Variants in RFX7 observed in about 807,000 individuals in gnomAD.
RFX7 encodes the protein DNA-binding protein RFX7.
RFX7 carries 26 observed loss-of-function variants against 111.8 expected under a neutral mutation model. The ratio of observed to expected loss-of-function variants is 0.23; its 90% CI spans 0.17 to 0.32. The LOEUF (loss-of-function observed/expected upper bound fraction) is 0.32, where lower values mean the gene tolerates loss of function less well. RFX7 is among the 10% of genes least tolerant of loss of function. The pLI, the probability that RFX7 is intolerant of heterozygous loss-of-function variation, is 1.00. For synonymous variants in RFX7, 624 were observed against 624.4 expected (o/e 1.00, Z 0.01); for missense variants, 1,573 against 1,772.9 (o/e 0.89, Z 2.02).
chr15:56,195,029 GGATA>G (rs1303203200), intron 2 of RFX7, among the ~76,000 whole-genome samples: 1 of 151,984 alleles, frequency 6.6e-6, no homozygotes, highest in African/African-American at 2.4e-5. Context: ...GTGGATGAAT[GGATA>G]AACAAAATGT....
In RFX7 at chr15:56,137,204, T is replaced by C. The variant is rs763391992; in HGVS notation, c.401+5574A>G. On this transcript the variant is annotated intron_variant, in intron 5 of 9. Transcript: ENST00000559447. ...CAGAAGGAATGGTACCAGTTCCTCCTTGTACCTCTGGTAGAATTCGGCTGT... is the reference window on the plus strand; with the variant it reads ...CAGAAGGAATGGTACCAGTTCCTCCCTGTACCTCTGGTAGAATTCGGCTGT... Among the ~76,000 whole-genome samples, 399 of 152,192 alleles carry C rather than the reference T, an allele frequency of 2.6e-3. 5 individuals are homozygous for C. In the East Asian group the frequency reaches 0.042, roughly 16 times the overall value.
chr15:56,221,205 T>G (rs1375936330), intron 2 of RFX7, among the ~76,000 whole-genome samples: 1 of 152,216 alleles, frequency 6.6e-6, no homozygotes, highest in Non-Finnish European at 1.5e-5. Context: ...TTTTTTCTAA[T>G]TCTGTGAAGA....
Position 56,135,918 on chromosome 15 carries a change from A to G in RFX7, c.401+6860T>C, listed in dbSNP as rs187264932. Reference sequence around the variant, plus strand: ...TTTTCTCAGGTTCGTCAAAGATCAGATAGTTGTAGATATGCGGCATTATTT... The same window carrying G: ...TTTTCTCAGGTTCGTCAAAGATCAGGTAGTTGTAGATATGCGGCATTATTT... On this transcript the variant is annotated intron_variant, in intron 5 of 9. Transcript: ENST00000559447. Among the ~76,000 whole-genome samples, 26 of 152,276 alleles carry G rather than the reference A, an allele frequency of 1.7e-4. No homozygotes were observed. The East Asian group carries it at 5.0e-3, about 29-fold the overall frequency.
intron 5 of RFX7, among the ~76,000 whole-genome samples, chr15:56,139,268 T>G (rs1320633655): frequency 1.3e-5 from 2 of 150,890 alleles, no homozygotes; most frequent in Non-Finnish European, 3.0e-5. Context: ...AGACGTAGAT[T>G]TGGTCTTTTC....
In RFX7 at chr15:56,095,609, C is replaced by T; in HGVS notation, c.2119G>A (p.Gly707Ser). The T allele has an allele frequency of 6.2e-7, 1 of 1,613,980 alleles. No homozygotes were observed. Among genetic ancestry groups the T allele is most frequent in the Non-Finnish European group, 8.5e-7 (1 of 1,179,868 alleles). Residue 707 changes from glycine to serine, a missense_variant, in exon 10 of 10, where the codon GGT becomes AGT. Around this residue, in one of 7 missense-constraint regions of RFX7, gnomAD observed 625 missense variants for 632.2 expected, o/e 0.99. Coordinates refer to ENST00000559447, the MANE Select transcript of RFX7 (RefSeq NM_022841.7). Reference sequence around the variant, plus strand: ...GGAATCTGAGCACCTGCTGTTGAACCTTCTGTTTTCCCTGAATGTGGAACC... The same window carrying T: ...GGAATCTGAGCACCTGCTGTTGAACTTTCTGTTTTCCCTGAATGTGGAACC... ...QKVPHSGKTE[G>S]STAGAQIPSK...
Position 56,088,581 on chromosome 15 carries a change from A to G in RFX7, c.*4764T>C, listed in dbSNP as rs573918141. The G allele has an allele frequency of 1.3e-5, 2 of 152,162 alleles. No individual in the cohort carries two copies. The highest frequency in any genetic ancestry group is 4.8e-5 in the African/African-American group (2 of 41,414). The allele number at this position is 152,162 out of a possible 1,614,324, so 9.4% of individuals were successfully genotyped here. A position where few individuals can be genotyped will look rare whatever the true frequency, so the allele number is the denominator to read the frequency against. ...TTATAGCAACAAGACTGGCATACAT[A>G]TTTTTAAAATTTCAGATGATGCAAT... On this transcript the variant is annotated 3_prime_UTR_variant, in exon 10 of 10. Coordinates refer to ENST00000559447, the MANE Select transcript of RFX7 (RefSeq NM_022841.7).
At chr15:56,232,864 C>A (rs1301673769) in intron 2 of RFX7, among the ~76,000 whole-genome samples, 1 of 152,194 alleles carries the variant, frequency 6.6e-6, no homozygotes, top group Non-Finnish European at 1.5e-5. Context: ...CCACCTGAGC[C>A]TGGATTTCAC....
chr15:56,186,200 T>G (rs1404325153), intron 2 of RFX7, among the ~76,000 whole-genome samples: 2 of 152,208 alleles, frequency 1.3e-5, no homozygotes, highest in Non-Finnish European at 2.9e-5. Context: ...GTTCCCTGTT[T>G]TAGTCCTATT....
chr15:56,129,264 A>G (rs945651031), intron 5 of RFX7, among the ~76,000 whole-genome samples: 3 of 151,986 alleles, frequency 2.0e-5, no homozygotes, highest in Non-Finnish European at 4.4e-5. Flanking sequence ...AGTCCCAGCA[A>G]CTGGGGAGGC....
chr15:56,210,592 T>G (rs551764158), intron 2 of RFX7, among the ~76,000 whole-genome samples: 1 of 152,030 alleles, frequency 6.6e-6, no homozygotes, highest in Non-Finnish European at 1.5e-5. Flanking sequence ...TTTTTAAAAA[T>G]AGAAATTATA....
Position 56,208,646 on chromosome 15 carries a change from G to A in RFX7, c.162-29343C>T, listed in dbSNP as rs749856042. Among the ~76,000 whole-genome samples the A allele has an allele frequency of 6.0e-4, 92 of 152,090 alleles. 1 individual carries two copies. The highest frequency in any genetic ancestry group is 2.0e-4 in the Admixed American group (3 of 15,264). On this transcript the variant is annotated intron_variant, in intron 2 of 9. Coordinates refer to ENST00000559447, the MANE Select transcript of RFX7 (RefSeq NM_022841.7). ...AAATGATTATGATTAAGATGCTAAG[G>A]GTTCTAATGGATAAAGTACACAGAC... is the stretch of plus-strand genomic sequence containing the variant.
intron 5 of RFX7, among the ~76,000 whole-genome samples, chr15:56,122,371 CA>C (rs1176956709): frequency 3.3e-5 from 5 of 152,156 alleles, no homozygotes; most frequent in Non-Finnish European, 7.4e-5. Context: ...TATTTTCTCC[CA>C]AACAAATGGA....
chr15:56,169,064 A>C (rs1019762332), intron 3 of RFX7, among the ~76,000 whole-genome samples: 1 of 152,196 alleles, frequency 6.6e-6, no homozygotes, highest in East Asian at 1.9e-4. Context: ...CTAGTAGATA[A>C]AGATTTCCGA....
intron 5 of RFX7, among the ~76,000 whole-genome samples, chr15:56,130,472 G>A (rs180960857): frequency 2.0e-5 from 3 of 151,936 alleles, no homozygotes; most frequent in Middle Eastern, 3.4e-3. Flanking sequence ...AAAGCAAAAC[G>A]ATAATTCCAC....
intron 5 of RFX7, among the ~76,000 whole-genome samples, chr15:56,113,670 TAAAA>T (rs11449454): frequency 1.4e-5 from 2 of 146,568 alleles, no homozygotes; most frequent in Non-Finnish European, 3.0e-5. Context: ...AAAATAAAAT[TAAAA>T]AAAAAAAAAG....
Position 56,093,379 on chromosome 15 carries a change from C to A in RFX7, c.4349G>T (p.Ser1450Ile). 6.2e-7 allele frequency: 1 copy of A among 1,612,820 alleles called. No individual in the cohort carries two copies. Among genetic ancestry groups the A allele is most frequent in the Non-Finnish European group, 8.5e-7 (1 of 1,179,322 alleles). The change falls in exon 10 of 10, where the codon AGC becomes ATC. Residue 1450 changes from serine (S) to isoleucine (I), a missense_variant. Physicochemically the swap from Ser to Ile is moderately radical, Grantham distance 142. This residue lies in a region of RFX7 where 411 missense variants were observed against 478.1 expected (regional missense o/e 0.86). Transcript: ENST00000559447. Reference sequence around the variant, plus strand: ...CATTTCAACAGTAGGATGGTCCTTGCTTTCTATCCATTCAAAACCTGATGA... The same window carrying A: ...CATTTCAACAGTAGGATGGTCCTTGATTTCTATCCATTCAAAACCTGATGA... ...MTSSGFEWIE[S>I]KDHPTVEMLG
chr15:56,137,617 A>G (rs2042323787), intron 5 of RFX7, among the ~76,000 whole-genome samples: 2 of 151,716 alleles, frequency 1.3e-5, no homozygotes, highest in South Asian at 4.2e-4. Context: ...TATTTCCTTC[A>G]GTTCTGCTCT....
intron 5 of RFX7, among the ~76,000 whole-genome samples, chr15:56,118,843 C>G (rs2042041086): frequency 6.6e-6 from 1 of 152,188 alleles, no homozygotes; most frequent in African/African-American, 2.4e-5. Context: ...TCCTCCACAT[C>G]CTTGTCATCA....
Position 56,096,392 on chromosome 15 carries a change from A to G in RFX7, c.1336T>C (p.Ser446Pro). The stretch of plus-strand genomic sequence containing the variant: ...CTAGTAAAGAGGACAGTAGTTGGAG[A>G]GCGAATGGTGAGTGCACTGGTGTTC... The part of the protein sequence containing the change: ...PANTSALTIR[S>P]PTTVLFTSSP... Residue 446 changes from serine (S) to proline (P), a missense_variant, in exon 10 of 10, where the codon TCT becomes CCT. Transcript: ENST00000559447. The G allele has an allele frequency of 6.2e-7, 1 of 1,613,904 alleles. No homozygotes were observed. The highest frequency in any genetic ancestry group is 1.1e-5 in the South Asian group (1 of 91,066).
Sources: allele counts gnomAD v4.1 joint callset (sites outside exome capture counted in the v4.1 genomes callset), GRCh38; gene constraint gnomAD v4.1.1; regional missense constraint gnomAD v4.1.1; transcripts MANE v1.5; gene names NCBI Gene and HGNC (gene_info 2026-07-23, HGNC 2026-07-21).